HERC4: variants seen among roughly 807,000 people sequenced by gnomAD.
HERC4 encodes the protein probable E3 ubiquitin-protein ligase HERC4.
HERC4 carries 28 observed loss-of-function variants against 124.3 expected under a neutral mutation model. The ratio of observed to expected loss-of-function variants is 0.23; its 90% confidence interval spans 0.17 to 0.31. The LOEUF is 0.31. HERC4 is among the 10% of genes least tolerant of loss of function. The probability of loss-of-function intolerance (pLI) is 1.00; values close to 1 mark genes in which losing one functional copy is unlikely to be tolerated. For synonymous variants in HERC4, 407 were observed against 421.5 expected (o/e 0.97, Z 0.42); for missense variants, 713 against 1,229.3 (o/e 0.58, Z 6.28).
At chr10:67,986,353 T>G (rs2036258796) in intron 15 of HERC4, among the ~76,000 whole-genome samples, 1 of 152,182 alleles carries the variant, frequency 6.6e-6, no homozygotes, top group Non-Finnish European at 1.5e-5. Context: ...TTACATATAT[T>G]GTATTATTTA....
At chr10:68,021,748 CG>C (rs1223789643) in intron 8 of HERC4, among the ~76,000 whole-genome samples, 5 of 151,982 alleles carry the variant, frequency 3.3e-5, no homozygotes, top group Non-Finnish European at 7.4e-5. Flanking sequence ...GCAGAGGTTG[CG>C]GTGAGCCGAG....
intron 7 of HERC4, among the ~76,000 whole-genome samples, chr10:68,030,993 C>A (rs2039173954): frequency 6.6e-6 from 1 of 152,090 alleles, no homozygotes; most frequent in Admixed American, 6.6e-5. Flanking sequence ...CCAAGAAATT[C>A]TTCCAGAAAA....
intron 8 of HERC4, among the ~76,000 whole-genome samples, chr10:68,023,710 G>C (rs966333684): frequency 6.6e-6 from 1 of 152,068 alleles, no homozygotes; most frequent in Non-Finnish European, 1.5e-5. Flanking sequence ...AAATTTTGTT[G>C]TATGTATTTC....
chr10:67,957,404 C>A (rs1205068493), intron 16 of HERC4, among the ~76,000 whole-genome samples: 1 of 152,068 alleles, frequency 6.6e-6, no homozygotes, highest in Non-Finnish European at 1.5e-5. Context: ...AGTATAATGT[C>A]ATTAGGGTAT....
intron 3 of HERC4, among the ~76,000 whole-genome samples, chr10:68,071,306 A>G (rs1364332335): frequency 1.3e-5 from 2 of 152,194 alleles, no homozygotes; most frequent in African/African-American, 4.8e-5. Context: ...TGTTCCTGGC[A>G]CTATAATCAT....
intron 8 of HERC4, among the ~76,000 whole-genome samples, chr10:68,018,900 CTTTTTTTTTTTT>C (rs34948748): frequency 1.1e-5 from 1 of 93,154 alleles, no homozygotes; most frequent in Non-Finnish European, 2.2e-5. Flanking sequence ...CCCCACAAGG[CTTTTTTTTTTTT>C]TTTTTTTTGA....
intron 4 of HERC4, chr10:68,039,672 C>T: frequency 7.4e-7 from 1 of 1,359,570 alleles, no homozygotes; most frequent in East Asian, 2.7e-5. Flanking sequence ...TTTTCAAACT[C>T]AACAAAATGC....
chr10:68,051,057 G>GA (rs2040271043), intron 3 of HERC4, among the ~76,000 whole-genome samples: 1 of 141,286 alleles, frequency 7.1e-6, no homozygotes, highest in Non-Finnish European at 1.5e-5. Flanking sequence ...GTTAAGGGGG[G>GA]ATTAAACCAC....
At chr10:68,062,565 A>G (rs925468283) in intron 3 of HERC4, among the ~76,000 whole-genome samples, 31 of 152,022 alleles carry the variant, frequency 2.0e-4, no homozygotes, top group African/African-American at 7.0e-4. Context: ...CAGTATGGTC[A>G]ACACAGTGAA....
At chr10:68,003,781 T>A (rs2037379621) in intron 9 of HERC4, among the ~76,000 whole-genome samples, 1 of 152,230 alleles carries the variant, frequency 6.6e-6, no homozygotes, top group Admixed American at 6.5e-5. Flanking sequence ...TTAAATTGAT[T>A]CCAAATACTG....
At chr10:67,958,976 T>C (rs1487728463) in intron 16 of HERC4, 1 of 552,160 alleles carries the variant, frequency 1.8e-6, no homozygotes, top group African/African-American at 1.9e-5. Context: ...GACTGTATTT[T>C]AAAAAATGAT....
intron 22 of HERC4, among the ~76,000 whole-genome samples, chr10:67,934,045 G>A (rs927363814): frequency 6.6e-6 from 1 of 152,160 alleles, no homozygotes; most frequent in East Asian, 1.9e-4. Flanking sequence ...CTATTAAAAG[G>A]CAACTATTTA....
At chr10:67,995,634 T>G (rs1271017667) in intron 9 of HERC4, among the ~76,000 whole-genome samples, 1 of 152,160 alleles carries the variant, frequency 6.6e-6, no homozygotes, top group Non-Finnish European at 1.5e-5. Flanking sequence ...AGGTTGTAAT[T>G]GCTACAAATA....
At chr10:68,057,772 T>C (rs139169634) in intron 3 of HERC4, among the ~76,000 whole-genome samples, 82 of 151,956 alleles carry the variant, frequency 5.4e-4, no homozygotes, top group African/African-American at 1.6e-3. Flanking sequence ...AGTGGTGCAA[T>C]CACTGCAACC....
intron 11 of HERC4, 63 bp from the exon 12 acceptor site, chr10:67,991,262 TA>T: frequency 1.1e-6 from 1 of 938,074 alleles, no homozygotes; most frequent in Non-Finnish European, 1.5e-6. Context: ...TACCCTTTCT[TA>T]AAAAAGAATT....
intron 9 of HERC4, among the ~76,000 whole-genome samples, chr10:68,004,958 G>A (rs1479313548): frequency 6.6e-6 from 1 of 152,200 alleles, no homozygotes; most frequent in Non-Finnish European, 1.5e-5. Context: ...AACCATATGA[G>A]GGGTCTAGTT....
intron 19 of HERC4, among the ~76,000 whole-genome samples, chr10:67,946,385 AC>A (rs1564940389): frequency 2.8e-5 from 4 of 142,240 alleles, no homozygotes; most frequent in East Asian, 1.9e-4. Flanking sequence ...ACACACACAC[AC>A]ACACACACAC....
In HERC4 at chr10:67,986,853, T is replaced by C. The variant is rs151336574; in HGVS notation, c.1806+1810A>G. ...GTCCAGCGCCTATAATATAATACTATATGTGATCTAGAATATGAACTTCTA... is the reference window on the plus strand; with the variant it reads ...GTCCAGCGCCTATAATATAATACTACATGTGATCTAGAATATGAACTTCTA... On this transcript the variant is annotated intron_variant, in intron 15 of 24. Coordinates refer to ENST00000373700, the MANE Select transcript of HERC4 (RefSeq NM_015601.4). Among the ~76,000 whole-genome samples, 670 of 152,198 alleles carry C rather than the reference T, an allele frequency of 4.4e-3. 6 individuals carry two copies. The highest frequency in any genetic ancestry group is 0.015 in the African/African-American group (643 of 41,516).
At chr10:68,061,534 A>G (rs1370276474) in intron 3 of HERC4, among the ~76,000 whole-genome samples, 2 of 136,598 alleles carry the variant, frequency 1.5e-5, no homozygotes, top group Admixed American at 7.2e-5. Context: ...CTCCGTCTCA[A>G]AAAAAAAAAA....
Sources: allele counts gnomAD v4.1 joint callset (sites outside exome capture counted in the v4.1 genomes callset), GRCh38; gene constraint gnomAD v4.1.1; transcripts MANE v1.5; gene names NCBI Gene and HGNC (gene_info 2026-07-23, HGNC 2026-07-21).